The following ANKRD27 variants were observed in gnomAD, a reference collection of about 807,000 sequenced individuals.
ANKRD27 encodes the protein ankyrin repeat domain 27.
In ANKRD27, 112 loss-of-function variants were observed where a neutral mutation model predicts 129.7. The ratio of observed to expected loss-of-function variants is 0.86; its 90% CI spans 0.74 to 1.01. The LOEUF (loss-of-function observed/expected upper bound fraction) is 1.01. ANKRD27 is among the 50% of genes least tolerant of loss of function. The pLI, the probability that ANKRD27 is intolerant of heterozygous loss-of-function variation, is 0.00. For missense variants in ANKRD27, 1,258 were observed against 1,300.5 expected (o/e 0.97, Z 0.50); for synonymous variants, 516 against 511.2 (o/e 1.01, Z -0.13).
At chr19:32,633,331 GTTTTT>G (rs140018331) in intron 12 of ANKRD27, among the ~76,000 whole-genome samples, 1 of 122,220 alleles carries the variant, frequency 8.2e-6, no homozygotes, top group Non-Finnish European at 1.7e-5. Flanking sequence ...TTTTTTATCT[GTTTTT>G]TTTTTTTTTT....
intron 15 of ANKRD27, among the ~76,000 whole-genome samples, chr19:32,627,315 G>A (rs56012166): frequency 5.3e-5 from 8 of 152,124 alleles, no homozygotes; most frequent in East Asian, 1.9e-4. Flanking sequence ...AGGGATGGCC[G>A]GGGACTCTGG....
rs763735966 is a variant in ANKRD27 at position 32,619,490 on chromosome 19, T to G, written c.1887+4A>C. 83 of 1,613,936 alleles carry G rather than the reference T, an allele frequency of 5.1e-5. No homozygotes were observed. The highest frequency in any genetic ancestry group is 1.6e-4 in the Middle Eastern group (1 of 6,084). ...ACCTGACCTGCTCAGCCCGGCTGAC[T>G]TACCTCGGACGACTTCTGCCTCCTC... On this transcript the variant is annotated splice_donor_region_variant and intron_variant, in intron 19 of 28. Coordinates refer to ENST00000306065, the MANE Select transcript of ANKRD27 (RefSeq NM_032139.3).
At chr19:32,659,093 G>T in intron 1 of ANKRD27, 48 bp from the exon 2 acceptor site, 1 of 912,924 alleles carries the variant, frequency 1.1e-6, no homozygotes. Context: ...TCGAGTTTAC[G>T]TAACACATGA....
At chr19:32,617,818 A>C (rs1280308036) in intron 20 of ANKRD27, among the ~76,000 whole-genome samples, 185 bp from the exon 21 acceptor site, 16 of 150,014 alleles carry the variant, frequency 1.1e-4, no homozygotes, top group African/African-American at 3.9e-4. Flanking sequence ...GCAGTGGCGC[A>C]ATCTCGGCTC....
Position 32,619,932 on chromosome 19 carries a change from A to G in ANKRD27, c.1828-379T>C, listed in dbSNP as rs955289480. 2.0e-5 allele frequency among the ~76,000 whole-genome samples: 3 copies of G among 152,090 alleles called. 1 individual carries two copies. On this transcript the variant is annotated intron_variant, in intron 18 of 28. Transcript: ENST00000306065. ...CATGAGGTGTGGCCTTTCCTCTAGC[A>G]CCCACAGGTCTCAAGTAGGAACAGC...
chr19:32,629,916 T>G, intron 13 of ANKRD27, among the ~76,000 whole-genome samples: 1 of 150,938 alleles, frequency 6.6e-6, no homozygotes, highest in African/African-American at 2.4e-5. Context: ...TTATTTATTT[T>G]TTTAGAAACA....
chr19:32,672,311 G>A (rs1967886579), intron 1 of ANKRD27, among the ~76,000 whole-genome samples: 1 of 152,232 alleles, frequency 6.6e-6, no homozygotes, highest in South Asian at 2.1e-4. Flanking sequence ...ATGTATGTAT[G>A]CTGTTACAGT....
At chr19:32,668,871 C>G (rs1374062762) in intron 1 of ANKRD27, among the ~76,000 whole-genome samples, 1 of 152,114 alleles carries the variant, frequency 6.6e-6, no homozygotes, top group African/African-American at 2.4e-5. Flanking sequence ...CTCATCCTAT[C>G]TTAATGCTCA....
Position 32,622,528 on chromosome 19 carries a change from CG to C in ANKRD27, c.1720del (p.Arg574AlafsTer8). 1 of 1,613,988 alleles carries C rather than the reference CG, an allele frequency of 6.2e-7. No individual in the cohort carries two copies. Among genetic ancestry groups the C allele is most frequent in the Non-Finnish European group, 8.5e-7 (1 of 1,180,008 alleles). On this transcript the variant is annotated frameshift_variant, in exon 18 of 29. Coordinates refer to ENST00000306065, the MANE Select transcript of ANKRD27 (RefSeq NM_032139.3). LOFTEE classifies it high-confidence loss of function. Reference sequence around the variant, plus strand: ...CTCTATGACGCCTTGGTAGCCCCAGCGGGCAGCAATGTGTAGAGGGGTGTCT... The same window carrying C: ...CTCTATGACGCCTTGGTAGCCCCAGCGGCAGCAATGTGTAGAGGGGTGTCT... ...KGDTPLHIAA[R>X]WGYQGVIETL...
At chr19:32,614,322 C>T (rs979207825) in intron 22 of ANKRD27, among the ~76,000 whole-genome samples, 3 of 151,912 alleles carry the variant, frequency 2.0e-5, no homozygotes, top group Admixed American at 6.6e-5. Context: ...AAAAGAATGG[C>T]GGGGTGGGTT....
Position 32,597,813 on chromosome 19 carries a change from G to A in ANKRD27, c.*332C>T. 2.8e-6 allele frequency: 1 copy of A among 356,538 alleles called. No individual in the cohort carries two copies. Among genetic ancestry groups the A allele is most frequent in the Admixed American group, 4.1e-5 (1 of 24,554 alleles). The allele number at this position is 356,538 out of a possible 1,614,324, so 22.1% of individuals were successfully genotyped here. A position where few individuals can be genotyped will look rare whatever the true frequency, so the allele number is the denominator to read the frequency against. On this transcript the variant is annotated 3_prime_UTR_variant, in exon 29 of 29. Coordinates refer to ENST00000306065, the MANE Select transcript of ANKRD27 (RefSeq NM_032139.3). Reference sequence around the variant, plus strand: ...GTTTAGCACCTTTTGGGAGGAGGAGGTCAGAATGCGGTGGTGAAACCTCTC... The same window carrying A: ...GTTTAGCACCTTTTGGGAGGAGGAGATCAGAATGCGGTGGTGAAACCTCTC...
intron 9 of ANKRD27, 183 bp downstream of exon 9, chr19:32,642,940 C>T (rs962461154): frequency 8.0e-6 from 5 of 628,184 alleles, no homozygotes; most frequent in African/African-American, 5.5e-5. Context: ...GGGAGGGGGA[C>T]GGCCACACAC....
rs182859468 is a variant in ANKRD27 at position 32,600,138 on chromosome 19, T to C, written c.2768-88A>G. ...TACAGCACAGACACAATCTTTCTATTCTCAGATTTACAAAATTTAGAAACT... is the reference window on the plus strand; with the variant it reads ...TACAGCACAGACACAATCTTTCTATCCTCAGATTTACAAAATTTAGAAACT... On this transcript the variant is annotated intron_variant, in intron 26 of 28. Coordinates refer to ENST00000306065, the MANE Select transcript of ANKRD27 (RefSeq NM_032139.3). 78 of 1,029,578 alleles carry C rather than the reference T, an allele frequency of 7.6e-5. No individual in the cohort carries two copies. The East Asian group carries it at 1.9e-3, about 24-fold the overall frequency. The allele number at this position is 1,029,578 out of a possible 1,614,324, so 63.8% of individuals were successfully genotyped here.
chr19:32,641,883 T>G (rs1967208383), intron 10 of ANKRD27, 141 bp downstream of exon 10: 1 of 949,748 alleles, frequency 1.1e-6, no homozygotes. Flanking sequence ...TCCTCCCACC[T>G]TGGCCTCCCA....
intron 24 of ANKRD27, among the ~76,000 whole-genome samples, chr19:32,605,543 AGCC>A (rs1278925718): frequency 2.0e-5 from 3 of 152,222 alleles, no homozygotes; most frequent in Non-Finnish European, 4.4e-5. Context: ...GCGGCCACTC[AGCC>A]CATGCTCAGG....
intron 3 of ANKRD27, among the ~76,000 whole-genome samples, chr19:32,648,968 G>GT (rs67248583): frequency 0.079 from 9,998 of 126,256 alleles, 692 homozygotes; most frequent in East Asian, 0.26. Flanking sequence ...TTTTGGGTTT[G>GT]TTTTTTTTTT....
chr19:32,625,304 A>G (rs1453971913), intron 17 of ANKRD27, among the ~76,000 whole-genome samples: 1 of 152,166 alleles, frequency 6.6e-6, no homozygotes, highest in Non-Finnish European at 1.5e-5. Context: ...TAAAAATTGA[A>G]TATGTACACA....
intron 1 of ANKRD27, among the ~76,000 whole-genome samples, chr19:32,660,829 A>G (rs747406868): frequency 6.6e-6 from 1 of 152,082 alleles, no homozygotes; most frequent in African/African-American, 2.4e-5. Flanking sequence ...CTGCCTGATC[A>G]TGTCTTTTGC....
rs1244751673 is a variant in ANKRD27, at chr19:32,625,933, C to T, written c.1570G>A (p.Val524Met). The change falls in exon 17 of 29, where the codon GTG (valine) becomes ATG (methionine). Residue 524 changes from valine to methionine, a missense_variant. Val to Met is a conservative substitution (Grantham distance 21). Coordinates refer to ENST00000306065, the MANE Select transcript of ANKRD27 (RefSeq NM_032139.3). The stretch of plus-strand genomic sequence containing the variant: ...GGCGTATTCCCATTGTTGTCCTGCA[C>T]TTCCGCGCTGGCCTTGTAGTGCAGC... Reference protein sequence around the residue: ...LLLHYKASAEVQDNNGNTPLH... With the variant: ...LLLHYKASAEMQDNNGNTPLH... The T allele has an allele frequency of 1.2e-6, 2 of 1,611,582 alleles. No individual in the cohort carries two copies. Among genetic ancestry groups the T allele is most frequent in the Non-Finnish European group, 1.7e-6 (2 of 1,179,468 alleles).
Sources: allele counts gnomAD v4.1 joint callset (sites outside exome capture counted in the v4.1 genomes callset), GRCh38; gene constraint gnomAD v4.1.1; transcripts MANE v1.5; gene names NCBI Gene and HGNC (gene_info 2026-07-23, HGNC 2026-07-21).